CNTNAP5: variants seen among roughly 807,000 people sequenced by gnomAD.
CNTNAP5 encodes contactin-associated protein-like 5.
Under a neutral mutation model 150.2 loss-of-function variants are expected in CNTNAP5, and 72 were observed. The observed-to-expected ratio is 0.48, with a 90% CI of 0.40 to 0.58. The LOEUF is 0.58. Ranked by LOEUF, CNTNAP5 falls within the 20% of genes least tolerant of loss-of-function variation. The pLI is 0.00. For synonymous variants in CNTNAP5, 672 were observed against 619.8 expected, an observed-to-expected ratio of 1.08 and a Z score of -1.25; for missense variants, 1,636 against 1,626.2, an observed-to-expected ratio of 1.01 and a Z score of -0.10.
chr2:124,734,321 A>G (rs755965454), intron 13 of CNTNAP5, among the ~76,000 whole-genome samples: 2 of 152,100 alleles, frequency 1.3e-5, no homozygotes, highest in Non-Finnish European at 2.9e-5. Flanking sequence ...AAACAAATGA[A>G]AAGTGAGCAT....
At chr2:124,531,787 G>A (rs1485127341) in intron 10 of CNTNAP5, among the ~76,000 whole-genome samples, 5 of 152,158 alleles carry the variant, frequency 3.3e-5, no homozygotes, top group Admixed American at 3.3e-4. Flanking sequence ...CTCTAAATGT[G>A]TAACCCCATT....
At chr2:124,517,336 ATGATGGAGGGTTATAGTGTTGG>A (rs968440325) in intron 8 of CNTNAP5, among the ~76,000 whole-genome samples, 10 of 116,764 alleles carry the variant, frequency 8.6e-5, no homozygotes, top group Non-Finnish European at 1.8e-4. Flanking sequence ...TGTGGTGTTG[ATGATGGAGGGTTATAGTGTTGG>A]TGATGGAGGG....
In CNTNAP5 at chr2:124,516,504, AT is replaced by A. The variant is rs563685986; in HGVS notation, c.1328-7796del. ...TAGAGATATTAAGAAATCTGTCTAA[AT>A]TTCCGGAAATTTTTAAGTGTCACGC... On this transcript the variant is annotated intron_variant, in intron 8 of 23. Coordinates refer to ENST00000682447, the MANE Select transcript of CNTNAP5 (RefSeq NM_001367498.1). 1.8e-3 allele frequency among the ~76,000 whole-genome samples: 267 copies of A among 152,364 alleles called. 2 individuals carry two copies. The highest frequency in any genetic ancestry group is 6.2e-3 in the African/African-American group (258 of 41,594).
At chr2:124,594,319 T>C (rs930790399) in intron 11 of CNTNAP5, among the ~76,000 whole-genome samples, 4 of 148,228 alleles carry the variant, frequency 2.7e-5, no homozygotes, top group African/African-American at 9.9e-5. Flanking sequence ...TTGTATAAGG[T>C]GTAAGGAAGG....
chr2:124,511,480 G>C (rs970342019), intron 8 of CNTNAP5, among the ~76,000 whole-genome samples: 16 of 152,228 alleles, frequency 1.1e-4, no homozygotes, highest in African/African-American at 3.9e-4. Context: ...TTCAGTGGTT[G>C]TGCGTCAGCC....
intron 22 of CNTNAP5, among the ~76,000 whole-genome samples, chr2:124,906,280 G>GAT (rs1205496287): frequency 6.6e-6 from 1 of 152,072 alleles, no homozygotes; most frequent in Non-Finnish European, 1.5e-5. Context: ...AAATCCATGG[G>GAT]ATATATATTT....
chr2:124,854,992 A>C (rs1338643007), intron 19 of CNTNAP5, among the ~76,000 whole-genome samples: 1 of 152,118 alleles, frequency 6.6e-6, no homozygotes, highest in Non-Finnish European at 1.5e-5. Flanking sequence ...TAAAACAAAA[A>C]CATAACAATG....
chr2:124,697,954 G>T (rs1037962867), intron 13 of CNTNAP5, among the ~76,000 whole-genome samples: 1 of 152,128 alleles, frequency 6.6e-6, no homozygotes, highest in Non-Finnish European at 1.5e-5. Context: ...CCAAGACCCA[G>T]AGGGGAGACA....
chr2:124,542,372 G>A (rs1695407621), intron 10 of CNTNAP5, among the ~76,000 whole-genome samples: 1 of 151,216 alleles, frequency 6.6e-6, no homozygotes, highest in South Asian at 2.1e-4. Context: ...AAACCTGAAA[G>A]CAGACATCTT....
At chr2:124,715,445 G>A (rs1321197859) in intron 13 of CNTNAP5, among the ~76,000 whole-genome samples, 1 of 152,068 alleles carries the variant, frequency 6.6e-6, no homozygotes, top group East Asian at 1.9e-4. Context: ...AATTTATTAT[G>A]ATCCTGAATG....
intron 12 of CNTNAP5, among the ~76,000 whole-genome samples, chr2:124,630,868 C>T (rs1423430029): frequency 6.6e-6 from 1 of 152,188 alleles, no homozygotes; most frequent in Admixed American, 6.5e-5. Flanking sequence ...TAAGCAACTT[C>T]AGCAAAGTCT....
chr2:124,744,707 A>T (rs1055045349), intron 13 of CNTNAP5, among the ~76,000 whole-genome samples: 2 of 152,160 alleles, frequency 1.3e-5, no homozygotes, highest in Non-Finnish European at 2.9e-5. Context: ...TCCTGTCAGG[A>T]AAGAAAAAGT....
chr2:124,780,328 G>T (rs1332972207), intron 17 of CNTNAP5, among the ~76,000 whole-genome samples: 2 of 152,142 alleles, frequency 1.3e-5, no homozygotes, highest in African/African-American at 4.8e-5. Flanking sequence ...GAAACTGAGG[G>T]GTTTTGACAT....
chr2:124,469,495 A>T (rs1320284243), intron 6 of CNTNAP5, among the ~76,000 whole-genome samples: 1 of 152,172 alleles, frequency 6.6e-6, no homozygotes, highest in Non-Finnish European at 1.5e-5. Context: ...TCCAAATAAC[A>T]TATATTTTTA....
chr2:124,271,243 G>T (rs17011241), intron 3 of CNTNAP5, among the ~76,000 whole-genome samples: 3,044 of 151,672 alleles, frequency 0.02, 105 homozygotes, highest in African/African-American at 0.068. Context: ...GAGAAGCACA[G>T]AATTTAAAAA....
chr2:124,662,176 G>A (rs1354270638), intron 13 of CNTNAP5, among the ~76,000 whole-genome samples: 2 of 152,110 alleles, frequency 1.3e-5, no homozygotes, highest in African/African-American at 4.8e-5. Flanking sequence ...TTTTATGGCT[G>A]CATAGAATTA....
chr2:124,705,662 T>A (rs376803069), intron 13 of CNTNAP5, among the ~76,000 whole-genome samples: 4 of 151,806 alleles, frequency 2.6e-5, no homozygotes, highest in Non-Finnish European at 4.4e-5. Flanking sequence ...AAGAACATAA[T>A]ACAATTCCAT....
chr2:124,311,124 G>C (rs185002596), intron 3 of CNTNAP5, among the ~76,000 whole-genome samples: 310 of 152,198 alleles, frequency 2.0e-3, no homozygotes, highest in Non-Finnish European at 3.8e-3. Context: ...GAGCTTCTTT[G>C]CTTCATTTTT....
intron 1 of CNTNAP5, among the ~76,000 whole-genome samples, chr2:124,203,675 A>C (rs374741038): frequency 3.9e-5 from 6 of 152,232 alleles, no homozygotes; most frequent in African/African-American, 1.4e-4. Context: ...ACCAGATGTG[A>C]GCTGCCAAGA....
Sources: allele counts gnomAD v4.1 joint callset (sites outside exome capture counted in the v4.1 genomes callset), GRCh38; gene constraint gnomAD v4.1.1; transcripts MANE v1.5; gene names NCBI Gene and HGNC (gene_info 2026-07-23, HGNC 2026-07-21).